TMEM117: variants seen among roughly 807,000 people sequenced by gnomAD.
TMEM117 encodes the protein transmembrane protein 117.
Under a neutral mutation model 52.4 loss-of-function variants are expected in TMEM117, and 27 were observed. The ratio of observed to expected loss-of-function variants is 0.51; its 90% CI spans 0.38 to 0.71. TMEM117 has a LOEUF of 0.71. Among genes scored for constraint, TMEM117 ranks in the 30% least tolerant of loss-of-function variants. TMEM117 has a pLI of 0.00. For missense variants in TMEM117, 556 were observed against 630.5 expected (o/e 0.88, Z 1.26); for synonymous variants, 215 against 206.3 (o/e 1.04, Z -0.36).
intron 2 of TMEM117, among the ~76,000 whole-genome samples, chr12:43,939,386 G>A (rs1005151060): frequency 1.3e-5 from 2 of 152,120 alleles, no homozygotes; most frequent in African/African-American, 4.8e-5. Context: ...ATATTTCCTA[G>A]TCAGGGTCTT....
chr12:44,200,582 T>C (rs935429428), intron 4 of TMEM117, among the ~76,000 whole-genome samples: 2 of 152,142 alleles, frequency 1.3e-5, no homozygotes, highest in African/African-American at 4.8e-5. Flanking sequence ...TAAATAACAA[T>C]TCAGAAATTT....
intron 5 of TMEM117, among the ~76,000 whole-genome samples, chr12:44,290,525 C>A (rs1422591100): frequency 3.3e-5 from 5 of 152,100 alleles, no homozygotes; most frequent in African/African-American, 1.2e-4. Flanking sequence ...TTATTTCTGG[C>A]TCTCTGTTCT....
intron 2 of TMEM117, among the ~76,000 whole-genome samples, chr12:43,938,782 TG>T (rs1206351883): frequency 3.3e-5 from 5 of 152,134 alleles, no homozygotes; most frequent in African/African-American, 1.2e-4. Flanking sequence ...GATGGATAGC[TG>T]AGGTCAGGAG....
At chr12:44,296,456 G>A (rs529617809) in intron 5 of TMEM117, among the ~76,000 whole-genome samples, 48 of 152,278 alleles carry the variant, frequency 3.2e-4, no homozygotes, top group African/African-American at 1.1e-3. Flanking sequence ...GACTGCAGCC[G>A]AGCAGGGCTG....
intron 3 of TMEM117, among the ~76,000 whole-genome samples, chr12:44,032,703 C>T (rs1310237935): frequency 1.3e-5 from 2 of 152,142 alleles, no homozygotes; most frequent in Admixed American, 6.6e-5. Context: ...TCATACAGCA[C>T]CTTTTGTCAA....
chr12:44,017,630 A>G (rs1946393517), intron 3 of TMEM117, among the ~76,000 whole-genome samples: 1 of 152,174 alleles, frequency 6.6e-6, no homozygotes, highest in Admixed American at 6.5e-5. Context: ...AGAACAAAAT[A>G]TATCCAGCTG....
chr12:44,053,963 G>A (rs1008568423), intron 3 of TMEM117, among the ~76,000 whole-genome samples: 2 of 152,160 alleles, frequency 1.3e-5, no homozygotes, highest in African/African-American at 4.8e-5. Flanking sequence ...AAATTTGGGT[G>A]TGATTAGTTT....
chr12:43,926,405 G>T (rs1000742848), intron 2 of TMEM117, among the ~76,000 whole-genome samples: 6 of 152,078 alleles, frequency 3.9e-5, no homozygotes, highest in African/African-American at 9.7e-5. Context: ...AAAGTCTTCT[G>T]ATAAACATTT....
At chr12:44,395,021 T>C in the TMEM117 span, among the ~76,000 whole-genome samples, 1 of 152,238 alleles carries the variant, frequency 6.6e-6, no homozygotes, top group Non-Finnish European at 1.5e-5. Context: ...GCAGTTGACT[T>C]CAACCAAACC....
At chr12:44,229,568 T>C (rs1380252592) in intron 5 of TMEM117, among the ~76,000 whole-genome samples, 5 of 152,056 alleles carry the variant, frequency 3.3e-5, no homozygotes, top group African/African-American at 1.2e-4. Context: ...TTTGGAACAA[T>C]TCACTTCTAG....
At chr12:44,152,746 T>C (rs1490099136) in intron 4 of TMEM117, among the ~76,000 whole-genome samples, 1 of 138,610 alleles carries the variant, frequency 7.2e-6, no homozygotes, top group African/African-American at 2.7e-5. Context: ...TATTTATAAT[T>C]ATATTTATAA....
chr12:44,198,031 C>G (rs1949444012), intron 4 of TMEM117, among the ~76,000 whole-genome samples: 1 of 152,178 alleles, frequency 6.6e-6, no homozygotes, highest in Admixed American at 6.5e-5. Context: ...CAAGGCATCA[C>G]TAGGTGATTT....
chr12:43,903,067 T>C (rs1418752960), intron 2 of TMEM117, among the ~76,000 whole-genome samples: 1 of 152,222 alleles, frequency 6.6e-6, no homozygotes, highest in Non-Finnish European at 1.5e-5. Context: ...TAAAGTTTTC[T>C]GAAATTTACT....
At chr12:44,059,518 T>C (rs1381601572) in intron 3 of TMEM117, among the ~76,000 whole-genome samples, 1 of 152,084 alleles carries the variant, frequency 6.6e-6, no homozygotes, top group East Asian at 1.9e-4. Flanking sequence ...GGGTGGTCTT[T>C]ACTTTAAAAA....
chr12:44,265,330 G>C (rs1400899174), intron 5 of TMEM117, among the ~76,000 whole-genome samples: 1 of 133,530 alleles, frequency 7.5e-6, no homozygotes, highest in East Asian at 2.2e-4. Flanking sequence ...GCTAAGGTAG[G>C]GTATTCGGAT....
intron 3 of TMEM117, among the ~76,000 whole-genome samples, chr12:44,039,926 A>C (rs1233986501): frequency 2.0e-5 from 3 of 152,206 alleles, no homozygotes; most frequent in Admixed American, 2.0e-4. Flanking sequence ...TGCTCAATAA[A>C]TTAATTTTAA....
At chr12:44,035,665 G>T (rs1216566927) in intron 3 of TMEM117, among the ~76,000 whole-genome samples, 1 of 152,156 alleles carries the variant, frequency 6.6e-6, no homozygotes, top group African/African-American at 2.4e-5. Context: ...TTTTCTTAAA[G>T]TCTATAATCT....
At chr12:43,869,713 T>C (rs1351290051) in intron 2 of TMEM117, among the ~76,000 whole-genome samples, 1 of 152,256 alleles carries the variant, frequency 6.6e-6, no homozygotes, top group Admixed American at 6.5e-5. Context: ...TTCAGGCTCA[T>C]GCTATTTCCT....
chr12:44,276,909 T>TGTGTGTGTGTGTGTGTGTGTGTAA (rs1491565625), intron 5 of TMEM117, among the ~76,000 whole-genome samples: 17 of 106,188 alleles, frequency 1.6e-4, no homozygotes, highest in Non-Finnish European at 2.4e-4. Context: ...TGTGTGTGTA[T>TGTGTGTGTGTGTGTGTGTGTGTAA]GTGTGTGTGT....
Sources: gnomAD v4.1 joint callset for allele counts (sites outside exome capture counted in the v4.1 genomes callset) on GRCh38, gnomAD v4.1.1 for gene constraint, MANE v1.5 for transcripts, NCBI Gene and HGNC (gene_info 2026-07-23, HGNC 2026-07-21) for gene names.